CHRNA5: variants seen among roughly 807,000 people sequenced by gnomAD.
CHRNA5 encodes cholinergic receptor nicotinic alpha 5 subunit.
In CHRNA5, 28 loss-of-function variants were observed where a neutral mutation model predicts 41.2. The ratio of observed to expected loss-of-function variants is 0.68; its 90% CI spans 0.50 to 0.93. CHRNA5 has a LOEUF of 0.93. CHRNA5 is among the 40% of genes least tolerant of loss of function. The pLI, the probability that CHRNA5 is intolerant of heterozygous loss-of-function variation, is 0.00. For missense variants in CHRNA5, 481 were observed against 581.9 expected, an observed-to-expected ratio of 0.83 and a Z score of 1.78; for synonymous variants, 188 against 205.8, an observed-to-expected ratio of 0.91 and a Z score of 0.74.
intron 1 of CHRNA5, among the ~76,000 whole-genome samples, chr15:78,579,407 C>T (rs2052889662): frequency 6.6e-6 from 1 of 152,082 alleles, no homozygotes; most frequent in Non-Finnish European, 1.5e-5. Flanking sequence ...GCGTGTGCCA[C>T]CATGCCTGAC....
At chr15:78,571,917 G>A (rs1413326162) in intron 1 of CHRNA5, among the ~76,000 whole-genome samples, 7 of 152,078 alleles carry the variant, frequency 4.6e-5, no homozygotes, top group East Asian at 1.9e-4. Context: ...TTTACAAAAT[G>A]GTTACGTTCA....
intron 4 of CHRNA5, 124 bp from the exon 5 acceptor site, chr15:78,589,676 GAAGTA>G: frequency 1.4e-6 from 1 of 718,238 alleles, no homozygotes; most frequent in Non-Finnish European, 2.3e-6. Context: ...TATCTTATCT[GAAGTA>G]TAGTAATTTA....
At chr15:78,590,612 C>T (rs768162469) in exon 5 of CHRNA5, 2 of 1,612,298 alleles carry the variant, frequency 1.2e-6, no homozygotes, top group African/African-American at 2.7e-5. Context: ...CAAGACACAT[C>T]ATGAAGGAAA....
At chr15:78,582,952 T>G (rs892803673) in intron 2 of CHRNA5, among the ~76,000 whole-genome samples, 8 of 152,204 alleles carry the variant, frequency 5.3e-5, no homozygotes, top group African/African-American at 1.9e-4. Flanking sequence ...CCATTTATTA[T>G]TCAAGGCCAA....
intron 2 of CHRNA5, 107 bp downstream of exon 2, chr15:78,581,069 C>T (rs2052910040): frequency 1.7e-6 from 2 of 1,149,776 alleles, no homozygotes; most frequent in Non-Finnish European, 2.4e-6. Flanking sequence ...GTGATTGAAG[C>T]AGTCCTTTGC....
chr15:78,569,517 T>A (rs1449764631), intron 1 of CHRNA5, among the ~76,000 whole-genome samples: 1 of 149,926 alleles, frequency 6.7e-6, no homozygotes, highest in African/African-American at 2.5e-5. Flanking sequence ...CACTGCAAGC[T>A]CTGCCTCCCG....
intron 2 of CHRNA5, among the ~76,000 whole-genome samples, chr15:78,583,588 G>A (rs986993363): frequency 1.3e-5 from 2 of 152,000 alleles, no homozygotes; most frequent in African/African-American, 2.4e-5. Flanking sequence ...CCAGCTACTC[G>A]GGAGGCCGAG....
chr15:78,571,576 GC>G (rs1159750587), intron 1 of CHRNA5, among the ~76,000 whole-genome samples: 2 of 122,904 alleles, frequency 1.6e-5, no homozygotes, highest in Admixed American at 2.1e-4. Context: ...ATGATGCTCT[GC>G]CTTTTTTTTT....
intron 1 of CHRNA5, among the ~76,000 whole-genome samples, chr15:78,579,055 T>A (rs2052885196): frequency 6.6e-6 from 1 of 151,214 alleles, no homozygotes; most frequent in Admixed American, 6.6e-5. Flanking sequence ...TTTTTTTTTT[T>A]AACAACTTAG....
At chr15:78,571,397 G>C (rs1388631131) in intron 1 of CHRNA5, among the ~76,000 whole-genome samples, 1 of 152,086 alleles carries the variant, frequency 6.6e-6, no homozygotes, top group Non-Finnish European at 1.5e-5. Context: ...ACATCTCTAA[G>C]GGGGAAATTT....
At chr15:78,573,088 G>A (rs2052821396) in intron 1 of CHRNA5, among the ~76,000 whole-genome samples, 2 of 152,212 alleles carry the variant, frequency 1.3e-5, no homozygotes, top group Non-Finnish European at 1.5e-5. Flanking sequence ...TGGTTTGCAA[G>A]AAGGGTCAGT....
At chr15:78,583,816 C>G (rs1343430991) in intron 2 of CHRNA5, among the ~76,000 whole-genome samples, 1 of 152,034 alleles carries the variant, frequency 6.6e-6, no homozygotes, top group East Asian at 1.9e-4. Flanking sequence ...TTTGGGAAGT[C>G]AAGACTGGCT....
At chr15:78,570,319 C>T (rs973702272) in intron 1 of CHRNA5, among the ~76,000 whole-genome samples, 4 of 150,342 alleles carry the variant, frequency 2.7e-5, no homozygotes, top group East Asian at 2.0e-4. Context: ...AGTGCAGTGG[C>T]GTGATCTTGG....
At chr15:78,572,212 G>T (rs1487573505) in intron 1 of CHRNA5, among the ~76,000 whole-genome samples, 4 of 152,074 alleles carry the variant, frequency 2.6e-5, no homozygotes, top group African/African-American at 9.7e-5. Context: ...TAAAATGTGC[G>T]CCCCCTTGAC....
intron 3 of CHRNA5, among the ~76,000 whole-genome samples, chr15:78,586,900 G>A (rs555018): frequency 0.64 from 97,872 of 152,048 alleles, 31,968 homozygotes; most frequent in East Asian, 0.83. Flanking sequence ...AGTGCCTATT[G>A]TGTGCCAGAC....
At chr15:78,584,680 A>G (rs1002164043) in intron 2 of CHRNA5, among the ~76,000 whole-genome samples, 2 of 152,230 alleles carry the variant, frequency 1.3e-5, no homozygotes, top group Admixed American at 6.5e-5. Context: ...AAGGCCCATA[A>G]GTTTCATTAG....
At chr15:78,585,205 G>T (rs201528078) in intron 2 of CHRNA5, among the ~76,000 whole-genome samples, 1 of 152,220 alleles carries the variant, frequency 6.6e-6, no homozygotes, top group East Asian at 1.9e-4. Context: ...GTGAGCCACC[G>T]TGCCCAGCCA....
chr15:78,568,587 A>G (rs1248583614), intron 1 of CHRNA5, among the ~76,000 whole-genome samples: 1 of 152,070 alleles, frequency 6.6e-6, no homozygotes. Flanking sequence ...TCTAGGTTTT[A>G]AGCCCCACAT....
exon 1 of CHRNA5, chr15:78,565,754 G>C (rs1176168726): frequency 8.3e-7 from 1 of 1,208,102 alleles, no homozygotes; most frequent in African/African-American, 1.6e-5. Flanking sequence ...CGCGCGCTCC[G>C]CCTGCTGCTC....
Sources: gnomAD v4.1 joint callset for allele counts (sites outside exome capture counted in the v4.1 genomes callset) on GRCh38, gnomAD v4.1.1 for gene constraint, MANE v1.5 for transcripts, NCBI Gene and HGNC (gene_info 2026-07-23, HGNC 2026-07-21) for gene names.